GRM8: variants seen among roughly 807,000 people sequenced by gnomAD.
GRM8 encodes glutamate metabotropic receptor 8, also known as metabotropic glutamate receptor 8.
GRM8 carries 47 observed loss-of-function variants against 87.2 expected under a neutral mutation model. That is an observed-to-expected ratio of 0.54 (90% confidence interval 0.43 to 0.69). The LOEUF (loss-of-function observed/expected upper bound fraction) is 0.69, where lower values mean the gene tolerates loss of function less well. GRM8 is among the 30% of genes least tolerant of loss of function. GRM8 has a pLI of 0.00. For missense variants in GRM8, 1,019 were observed against 1,139.2 expected, an observed-to-expected ratio of 0.89 and a Z score of 1.52; for synonymous variants, 396 against 404.5, an observed-to-expected ratio of 0.98 and a Z score of 0.25.
intron 6 of GRM8, among the ~76,000 whole-genome samples, chr7:126,863,141 T>C (rs901893790): frequency 1.3e-5 from 2 of 152,160 alleles, no homozygotes; most frequent in African/African-American, 2.4e-5. Context: ...CACAAGTTTT[T>C]ATATATACTA....
At chr7:126,504,405 GATTT>G (rs1358274513) in intron 9 of GRM8, among the ~76,000 whole-genome samples, 1 of 151,938 alleles carries the variant, frequency 6.6e-6, no homozygotes, top group Non-Finnish European at 1.5e-5. Flanking sequence ...TTTTTCTACT[GATTT>G]ATTTATTTCC....
intron 3 of GRM8, among the ~76,000 whole-genome samples, chr7:127,033,656 C>T (rs1817593363): frequency 6.6e-6 from 1 of 152,066 alleles, no homozygotes; most frequent in East Asian, 1.9e-4. Flanking sequence ...TCTCATGTAC[C>T]TCATCATGGC....
intron 9 of GRM8, among the ~76,000 whole-genome samples, chr7:126,477,810 G>A (rs1214951190): frequency 6.6e-6 from 1 of 152,086 alleles, no homozygotes; most frequent in Non-Finnish European, 1.5e-5. Flanking sequence ...TCCTGTGGCT[G>A]TTCTAACAAA....
chr7:126,907,385 A>C (rs1802822660), intron 3 of GRM8, among the ~76,000 whole-genome samples: 1 of 152,068 alleles, frequency 6.6e-6, no homozygotes. Flanking sequence ...AGAAGAAATA[A>C]TACATAATTA....
intron 9 of GRM8, among the ~76,000 whole-genome samples, chr7:126,474,228 A>T (rs1805633895): frequency 6.6e-6 from 1 of 151,766 alleles, no homozygotes; most frequent in African/African-American, 2.4e-5. Context: ...ACACACGTAC[A>T]CACATTCATA....
At chr7:126,999,431 C>T (rs1214115821) in intron 3 of GRM8, among the ~76,000 whole-genome samples, 2 of 151,586 alleles carry the variant, frequency 1.3e-5, no homozygotes, top group Non-Finnish European at 3.0e-5. Flanking sequence ...CTAAAGGAAA[C>T]AATCAACAAA....
At chr7:126,534,964 A>G (rs1265592703) in intron 8 of GRM8, among the ~76,000 whole-genome samples, 1 of 152,158 alleles carries the variant, frequency 6.6e-6, no homozygotes, top group Non-Finnish European at 1.5e-5. Flanking sequence ...AAGGCACTAG[A>G]GCAGAGCCCT....
chr7:126,728,394 G>C (rs1813240536), intron 7 of GRM8, among the ~76,000 whole-genome samples: 1 of 151,964 alleles, frequency 6.6e-6, no homozygotes, highest in Non-Finnish European at 1.5e-5. Flanking sequence ...CTCACAGCGG[G>C]AGTAGAAGAA....
chr7:126,645,918 T>C (rs956902288), intron 7 of GRM8, among the ~76,000 whole-genome samples: 2 of 152,120 alleles, frequency 1.3e-5, no homozygotes, highest in African/African-American at 4.8e-5. Flanking sequence ...CCCTATATTT[T>C]ACCAGGGAAA....
intron 9 of GRM8, among the ~76,000 whole-genome samples, chr7:126,482,284 G>A (rs1328146022): frequency 2.0e-5 from 3 of 152,008 alleles, no homozygotes; most frequent in African/African-American, 7.2e-5. Flanking sequence ...ATATAACCCA[G>A]CAATTCCACT....
intron 3 of GRM8, among the ~76,000 whole-genome samples, chr7:127,086,585 A>G (rs768698336): frequency 2.0e-5 from 3 of 152,080 alleles, no homozygotes; most frequent in Non-Finnish European, 4.4e-5. Context: ...TCCCCTCCAT[A>G]AAGCCCTCCC....
intron 7 of GRM8, among the ~76,000 whole-genome samples, chr7:126,715,987 A>AT (rs1216283498): frequency 2.0e-5 from 3 of 151,896 alleles, no homozygotes; most frequent in East Asian, 1.9e-4. Flanking sequence ...CTGTTCTCTA[A>AT]TTTTTTTTCA....
chr7:127,027,998 A>G (rs951977705), intron 3 of GRM8, among the ~76,000 whole-genome samples: 9 of 151,920 alleles, frequency 5.9e-5, no homozygotes, highest in African/African-American at 1.9e-4. Context: ...TTTGAGATAC[A>G]TTACCTCCAT....
At chr7:126,810,798 T>A (rs926778270) in intron 6 of GRM8, among the ~76,000 whole-genome samples, 2 of 152,164 alleles carry the variant, frequency 1.3e-5, no homozygotes, top group African/African-American at 4.8e-5. Context: ...TCTCACCTAA[T>A]ATGATTTGTT....
At chr7:127,148,733 G>A (rs1828685556) in intron 2 of GRM8, among the ~76,000 whole-genome samples, 1 of 152,002 alleles carries the variant, frequency 6.6e-6, no homozygotes, top group Non-Finnish European at 1.5e-5. Context: ...CAACCAATGG[G>A]TCAAAGAAGA....
chr7:127,128,259 T>C (rs1827481864), intron 2 of GRM8, among the ~76,000 whole-genome samples: 1 of 152,162 alleles, frequency 6.6e-6, no homozygotes, highest in Admixed American at 6.6e-5. Flanking sequence ...ATCAGATTTA[T>C]TAACCTCATA....
intron 6 of GRM8, among the ~76,000 whole-genome samples, chr7:126,864,810 C>T (rs1327927452): frequency 1.3e-5 from 2 of 152,132 alleles, no homozygotes; most frequent in Admixed American, 1.3e-4. Context: ...ACCATCCCTA[C>T]AAGAAATCAT....
At chr7:126,535,986 T>C (rs918903219) in intron 8 of GRM8, among the ~76,000 whole-genome samples, 13 of 152,232 alleles carry the variant, frequency 8.5e-5, no homozygotes, top group African/African-American at 3.1e-4. Context: ...AACCTGTTCC[T>C]GAATTTCTGA....
chr7:126,653,145 AT>A (rs1804108714), intron 7 of GRM8, among the ~76,000 whole-genome samples: 1 of 152,050 alleles, frequency 6.6e-6, no homozygotes, highest in African/African-American at 2.4e-5. Context: ...CTACAGAAAC[AT>A]TTTTTAAATA....
Sources: allele counts gnomAD v4.1 joint callset (sites outside exome capture counted in the v4.1 genomes callset), GRCh38; gene constraint gnomAD v4.1.1; transcripts MANE v1.5; gene names NCBI Gene and HGNC (gene_info 2026-07-23, HGNC 2026-07-21).